INTU: variants seen among roughly 807,000 people sequenced by gnomAD.
INTU encodes protein inturned.
In INTU, 68 loss-of-function variants were observed where a neutral mutation model predicts 100.5. That is an observed-to-expected ratio of 0.68 (90% CI 0.56 to 0.83). The LOEUF (loss-of-function observed/expected upper bound fraction) is 0.83, where lower values mean the gene tolerates loss of function less well. Among genes scored for constraint, INTU ranks in the 40% least tolerant of loss-of-function variants. The pLI is 0.00. For missense variants in INTU, 1,071 were observed against 1,114.7 expected (o/e 0.96, Z 0.56); for synonymous variants, 357 against 395.7 (o/e 0.90, Z 1.16).
chr4:127,657,691 G>T (rs552655145), intron 3 of INTU, among the ~76,000 whole-genome samples: 4 of 151,978 alleles, frequency 2.6e-5, no homozygotes, highest in African/African-American at 9.6e-5. Context: ...GATCTAGGTT[G>T]TATGCTCCTT....
chr4:127,665,842 A>G (rs1376819205), intron 4 of INTU, among the ~76,000 whole-genome samples: 1 of 152,196 alleles, frequency 6.6e-6, no homozygotes, highest in African/African-American at 2.4e-5. Context: ...AATTAGTCAC[A>G]TGGTCTATCC....
rs148080788 is a variant in INTU, at chr4:127,633,126, T to C, written c.92T>C (p.Phe31Ser). 6.8e-6 allele frequency: 11 copies of C among 1,614,092 alleles called. No homozygotes were observed. Among genetic ancestry groups the C allele is most frequent in the Admixed American group, 1.7e-5 (1 of 60,016 alleles). ...CAAGAAGAAGATGAGGACTATGATTTTGAAGATCGGGTCAGCGACTCGGGT... is the reference window on the plus strand; with the variant it reads ...CAAGAAGAAGATGAGGACTATGATTCTGAAGATCGGGTCAGCGACTCGGGT... Reference protein sequence around the residue: ...SSQEEDEDYDFEDRVSDSGSY... With the variant: ...SSQEEDEDYDSEDRVSDSGSY... The change falls in exon 1 of 16, where the codon TTT (phenylalanine) becomes TCT (serine). Residue 31 changes from phenylalanine (F) to serine (S), a missense_variant. Physicochemically the swap from Phe to Ser is radical, Grantham distance 155 (BLOSUM62 -2). Coordinates refer to ENST00000335251, the MANE Select transcript of INTU (RefSeq NM_015693.4).
At chr4:127,657,108 T>C (rs1277907093) in intron 3 of INTU, among the ~76,000 whole-genome samples, 2 of 152,184 alleles carry the variant, frequency 1.3e-5, no homozygotes, top group Non-Finnish European at 2.9e-5. Context: ...AATGTTTTTT[T>C]TTCCAATGTG....
chr4:127,642,372 C>G (rs1322779766), intron 1 of INTU, among the ~76,000 whole-genome samples: 1 of 152,234 alleles, frequency 6.6e-6, no homozygotes, highest in South Asian at 2.1e-4. Flanking sequence ...GCTGAAAATT[C>G]TGTATTAATG....
chr4:127,650,777 A>G (rs540042544), intron 2 of INTU, among the ~76,000 whole-genome samples: 1 of 151,686 alleles, frequency 6.6e-6, no homozygotes, highest in South Asian at 2.1e-4. Flanking sequence ...CTAGTTCTAG[A>G]TCCCTGAGGA....
chr4:127,681,572 C>G (rs560906787), intron 6 of INTU, among the ~76,000 whole-genome samples: 2 of 152,094 alleles, frequency 1.3e-5, no homozygotes, highest in Non-Finnish European at 2.9e-5. Flanking sequence ...GAAACTGGAT[C>G]GCTTCCTTAC....
At chr4:127,645,865 A>G (rs894259862) in intron 2 of INTU, among the ~76,000 whole-genome samples, 1 of 151,878 alleles carries the variant, frequency 6.6e-6, no homozygotes, top group Admixed American at 6.6e-5. Context: ...TGCCTGGCCA[A>G]CTGTTGTTGT....
chr4:127,669,292 A>G (rs982409382), intron 5 of INTU, 138 bp downstream of exon 5: 39 of 434,728 alleles, frequency 9.0e-5, no homozygotes, highest in African/African-American at 7.3e-4. Flanking sequence ...ATAGTCTATA[A>G]TGTATGTATA....
chr4:127,706,355 A>G lies in INTU; in HGVS notation c.1789-132A>G, dbSNP rs1017266181. On this transcript the variant is annotated intron_variant, in intron 11 of 15. Transcript: ENST00000335251. Reference sequence around the variant, plus strand: ...AACCAAAAAGGAAAGATGACGGAGGAATTTTTAATAATCATCACATGATTA... The same window carrying G: ...AACCAAAAAGGAAAGATGACGGAGGGATTTTTAATAATCATCACATGATTA... 12 of 742,662 alleles carry G rather than the reference A, an allele frequency of 1.6e-5. No homozygotes were observed. The African/African-American group carries it at 2.1e-4, about 13-fold the overall frequency. 46.0% of individuals were successfully genotyped at this position (742,662 alleles called of 1,614,324 possible).
intron 9 of INTU, among the ~76,000 whole-genome samples, chr4:127,701,376 T>G (rs1474413074): frequency 6.6e-6 from 1 of 152,152 alleles, no homozygotes; most frequent in Non-Finnish European, 1.5e-5. Context: ...TGTCCTTTCT[T>G]AGATCCTAAT....
chr4:127,647,614 A>G (rs369955447), intron 2 of INTU, among the ~76,000 whole-genome samples: 31 of 152,338 alleles, frequency 2.0e-4, no homozygotes, highest in African/African-American at 6.3e-4. Flanking sequence ...TCAGGGATTG[A>G]AACATAGACA....
chr4:127,665,436 C>A (rs1728655118), intron 4 of INTU, among the ~76,000 whole-genome samples: 1 of 151,786 alleles, frequency 6.6e-6, no homozygotes, highest in Non-Finnish European at 1.5e-5. Context: ...TTAAATATTT[C>A]TTTTTAGTGA....
intron 7 of INTU, among the ~76,000 whole-genome samples, chr4:127,684,839 T>C (rs1471205971): frequency 1.3e-5 from 2 of 152,074 alleles, no homozygotes; most frequent in African/African-American, 4.8e-5. Flanking sequence ...TGAAATTTCT[T>C]AGTGAATTAG....
intron 8 of INTU, among the ~76,000 whole-genome samples, chr4:127,688,976 T>C (rs1479317825): frequency 4.3e-4 from 46 of 106,114 alleles, no homozygotes; most frequent in Non-Finnish European, 2.4e-4. Flanking sequence ...TCTTTCTTTT[T>C]TTTTTTTTTT....
At chr4:127,646,918 CA>C (rs1727620326) in intron 2 of INTU, among the ~76,000 whole-genome samples, 1 of 152,144 alleles carries the variant, frequency 6.6e-6, no homozygotes, top group Non-Finnish European at 1.5e-5. Context: ...AACTGCTTTT[CA>C]AAAACCAGAT....
chr4:127,701,780 T>G (rs1730661263), intron 9 of INTU, among the ~76,000 whole-genome samples: 1 of 152,166 alleles, frequency 6.6e-6, no homozygotes, highest in Admixed American at 6.5e-5. Flanking sequence ...AAAAGTTCTT[T>G]TACAAAGTAA....
Position 127,661,303 on chromosome 4 carries a change from T to G in INTU, c.769-2078T>G, listed in dbSNP as rs573062585. On this transcript the variant is annotated intron_variant, in intron 3 of 15. Transcript: ENST00000335251. ...ATCTTAAATTTGAGGTTGTTGCTGCTGCCTGAAGAAAATTGGTGAATTTTT... is the reference window on the plus strand; with the variant it reads ...ATCTTAAATTTGAGGTTGTTGCTGCGGCCTGAAGAAAATTGGTGAATTTTT... Among the ~76,000 whole-genome samples, 3 of 152,368 alleles carry G rather than the reference T, an allele frequency of 2.0e-5. No individual in the cohort carries two copies. In the East Asian group the frequency reaches 5.8e-4, roughly 29 times the overall value.
chr4:127,679,195 G>A (rs972221468), intron 6 of INTU, among the ~76,000 whole-genome samples: 3 of 151,864 alleles, frequency 2.0e-5, no homozygotes, highest in Non-Finnish European at 4.4e-5. Flanking sequence ...ACAGATCAAT[G>A]AGACAGAAAG....
chr4:127,687,744 A>G lies in INTU; in HGVS notation c.1326A>G (p.Ala442=), dbSNP rs1729891271. Residue 442 remains alanine, a synonymous_variant, in exon 8 of 16, where the codon GCA becomes GCG. Coordinates refer to ENST00000335251, the MANE Select transcript of INTU (RefSeq NM_015693.4). ...DHFFNLFFQR[A]LQPAKLHSSA... ...TTTTTAACTTGTTCTTTCAAAGAGC[A>G]CTTCAGCCTGCGAAACTGCATTCCA... 6.2e-7 allele frequency: 1 copy of G among 1,613,438 alleles called. No individual in the cohort carries two copies. Among genetic ancestry groups the G allele is most frequent in the Non-Finnish European group, 8.5e-7 (1 of 1,179,644 alleles).
Sources: allele counts gnomAD v4.1 joint callset (sites outside exome capture counted in the v4.1 genomes callset), GRCh38; gene constraint gnomAD v4.1.1; transcripts MANE v1.5; gene names NCBI Gene and HGNC (gene_info 2026-07-23, HGNC 2026-07-21).